Variants in SLC39A9 observed in about 807,000 individuals in gnomAD.
The protein encoded by SLC39A9 is solute carrier family 39 member 9.
In SLC39A9, 14 loss-of-function variants were observed where a neutral mutation model predicts 28.4. The observed-to-expected ratio is 0.49, with a 90% CI of 0.33 to 0.77. The LOEUF is 0.77. Ranked by LOEUF, SLC39A9 falls within the 30% of genes least tolerant of loss-of-function variation. The pLI, the probability that SLC39A9 is intolerant of heterozygous loss-of-function variation, is 0.02. For missense variants in SLC39A9, 283 were observed against 381.1 expected, an observed-to-expected ratio of 0.74 and a Z score of 2.14; for synonymous variants, 119 against 149.6, an observed-to-expected ratio of 0.80 and a Z score of 1.49.
Position 69,460,148 on chromosome 14 carries a change from T to G in SLC39A9, c.*1555T>G, listed in dbSNP as rs1886051432. 1.0e-6 allele frequency: 1 copy of G among 985,470 alleles called. No individual in the cohort carries two copies. Among genetic ancestry groups the G allele is most frequent in the African/African-American group, 1.7e-5 (1 of 57,240 alleles). 61.0% of individuals were successfully genotyped at this position (985,470 alleles called of 1,614,324 possible). ...CTTTCTATACCATTTCAAAACACATTACACTAAGGGGGAACCAAGACTAGT... is the reference window on the plus strand; with the variant it reads ...CTTTCTATACCATTTCAAAACACATGACACTAAGGGGGAACCAAGACTAGT... On this transcript the variant is annotated 3_prime_UTR_variant, in exon 7 of 7. Coordinates refer to ENST00000336643, the MANE Select transcript of SLC39A9 (RefSeq NM_018375.5).
intron 3 of SLC39A9, among the ~76,000 whole-genome samples, chr14:69,451,881 A>G (rs902644190): frequency 2.0e-5 from 3 of 152,014 alleles, no homozygotes; most frequent in Non-Finnish European, 4.4e-5. Context: ...ACACTTGGCT[A>G]AATTTTAAAA....
chr14:69,420,720 A>G (rs1216353970), intron 1 of SLC39A9, among the ~76,000 whole-genome samples: 3 of 151,520 alleles, frequency 2.0e-5, no homozygotes, highest in African/African-American at 7.3e-5. Context: ...TTTTCTCTAA[A>G]CTTCTCACTT....
chr14:69,421,526 T>C (rs1204956682), intron 1 of SLC39A9, among the ~76,000 whole-genome samples: 1 of 152,206 alleles, frequency 6.6e-6, no homozygotes, highest in Non-Finnish European at 1.5e-5. Context: ...AAACCACTGC[T>C]CTCTTCAGAG....
chr14:69,413,180 C>T (rs888613297), intron 1 of SLC39A9, among the ~76,000 whole-genome samples: 2 of 152,054 alleles, frequency 1.3e-5, no homozygotes, highest in Non-Finnish European at 2.9e-5. Flanking sequence ...CATGGTGAAA[C>T]CCTGTCTCTA....
In SLC39A9 at chr14:69,399,272, C is replaced by G. The variant is rs1882486583; in HGVS notation, c.-98C>G. The G allele has an allele frequency of 1.3e-5, 14 of 1,062,308 alleles. No homozygotes were observed. The East Asian group carries it at 3.1e-4, about 23-fold the overall frequency. The allele number at this position is 1,062,308 out of a possible 1,614,324, so 65.8% of individuals were successfully genotyped here. A position where few individuals can be genotyped will look rare whatever the true frequency, so the allele number is the denominator to read the frequency against. On this transcript the variant is annotated 5_prime_UTR_variant, in exon 1 of 7. Transcript: ENST00000336643. ...GGCCTAAAGAACTGGAAAGCCCACT[C>G]TCTTGGAACCACCACACCTGTTTAA...
intron 1 of SLC39A9, among the ~76,000 whole-genome samples, chr14:69,413,957 C>T (rs935677502): frequency 6.6e-6 from 1 of 151,884 alleles, no homozygotes; most frequent in Non-Finnish European, 1.5e-5. Context: ...TAGCTAATAT[C>T]CCTATTTTTA....
chr14:69,437,119 G>A (rs564351159), intron 2 of SLC39A9, among the ~76,000 whole-genome samples: 12 of 151,894 alleles, frequency 7.9e-5, no homozygotes, highest in Admixed American at 2.0e-4. Context: ...CACCTGCCTC[G>A]GCCTCCCAAA....
At chr14:69,428,490 G>A (rs1385145422) in intron 2 of SLC39A9, 2 of 152,534 alleles carry the variant, frequency 1.3e-5, no homozygotes, top group Non-Finnish European at 2.9e-5. Context: ...CAACCCCATA[G>A]CCCTCTAAAT....
intron 3 of SLC39A9, among the ~76,000 whole-genome samples, chr14:69,451,897 G>A (rs900568156): frequency 6.6e-6 from 1 of 152,026 alleles, no homozygotes; most frequent in African/African-American, 2.4e-5. Context: ...TAAAAATTTT[G>A]TAGAGATAGG....
chr14:69,427,468 A>C (rs1420802164), intron 2 of SLC39A9, among the ~76,000 whole-genome samples: 1 of 152,202 alleles, frequency 6.6e-6, no homozygotes, highest in Non-Finnish European at 1.5e-5. Context: ...TTTATCATTC[A>C]CACTTTAGGT....
rs1404571220 is a variant in SLC39A9 at position 69,459,398 on chromosome 14, G to A, written c.*805G>A. 25 of 985,234 alleles carry A rather than the reference G, an allele frequency of 2.5e-5. No homozygotes were observed. The highest frequency in any genetic ancestry group is 3.0e-5 in the Non-Finnish European group (25 of 829,914). 61.0% of individuals were successfully genotyped at this position (985,234 alleles called of 1,614,324 possible). A position where few individuals can be genotyped will look rare whatever the true frequency, so the allele number is the denominator to read the frequency against. On this transcript the variant is annotated 3_prime_UTR_variant, in exon 7 of 7. Coordinates refer to ENST00000336643, the MANE Select transcript of SLC39A9 (RefSeq NM_018375.5). ...CCTAGAGAGGAGCCAAGTTCTAGTAGTTTCAGTTCTAGGCTTTCCTTCAAG... is the reference window on the plus strand; with the variant it reads ...CCTAGAGAGGAGCCAAGTTCTAGTAATTTCAGTTCTAGGCTTTCCTTCAAG...
At chr14:69,451,066 G>T (rs1214621918) in intron 3 of SLC39A9, among the ~76,000 whole-genome samples, 2 of 152,130 alleles carry the variant, frequency 1.3e-5, no homozygotes, top group Non-Finnish European at 2.9e-5. Flanking sequence ...AGTATAACTG[G>T]ATGATAAGCC....
At chr14:69,441,206 G>A (rs1353381162) in intron 2 of SLC39A9, among the ~76,000 whole-genome samples, 3 of 152,106 alleles carry the variant, frequency 2.0e-5, no homozygotes, top group Non-Finnish European at 4.4e-5. Flanking sequence ...GCTTGAGCCC[G>A]GGAGGTCGAG....
intron 1 of SLC39A9, among the ~76,000 whole-genome samples, chr14:69,413,467 TAAAAG>T (rs1174640033): frequency 6.6e-6 from 1 of 152,186 alleles, no homozygotes; most frequent in African/African-American, 2.4e-5. Flanking sequence ...CATCATTTCT[TAAAAG>T]AAAGGACATT....
intron 4 of SLC39A9, among the ~76,000 whole-genome samples, chr14:69,453,821 C>T (rs958793611): frequency 1.3e-5 from 2 of 152,220 alleles, no homozygotes; most frequent in Non-Finnish European, 2.9e-5. Flanking sequence ...AATGATCCAT[C>T]TCTTTTGTTT....
chr14:69,416,342 G>A (rs1477055372), intron 1 of SLC39A9, among the ~76,000 whole-genome samples: 4 of 152,180 alleles, frequency 2.6e-5, no homozygotes, highest in Non-Finnish European at 4.4e-5. Context: ...TGGTGTATAT[G>A]TGCCACATTT....
intron 3 of SLC39A9, among the ~76,000 whole-genome samples, chr14:69,446,947 T>TATAGAGAG (rs1301828860): frequency 7.7e-6 from 1 of 129,352 alleles, no homozygotes; most frequent in Non-Finnish European, 1.6e-5. Context: ...TATATATATA[T>TATAGAGAG]AGAGAGAGAG....
chr14:69,400,022 C>G (rs1324953701), intron 1 of SLC39A9, among the ~76,000 whole-genome samples: 1 of 151,966 alleles, frequency 6.6e-6, no homozygotes, highest in African/African-American at 2.4e-5. Context: ...GTTTGGGCCA[C>G]TGCACTCCAG....
At chr14:69,454,961 C>A in intron 5 of SLC39A9, 64 bp downstream of exon 5, 2 of 1,230,294 alleles carry the variant, frequency 1.6e-6, no homozygotes, top group Non-Finnish European at 2.3e-6. Flanking sequence ...TTCTCATGGT[C>A]CTTAATGTTT....
Sources: allele counts gnomAD v4.1 joint callset (sites outside exome capture counted in the v4.1 genomes callset), GRCh38; gene constraint gnomAD v4.1.1; transcripts MANE v1.5; gene names NCBI Gene and HGNC (gene_info 2026-07-23, HGNC 2026-07-21).